LSAMP: variants seen among roughly 807,000 people sequenced by gnomAD.
LSAMP encodes the protein limbic system-associated membrane protein.
Under a neutral mutation model 38.6 loss-of-function variants are expected in LSAMP, and 7 were observed. The observed-to-expected ratio is 0.18, with a 90% CI of 0.10 to 0.34. LSAMP has a LOEUF of 0.34. Ranked by LOEUF, LSAMP falls within the 10% of genes least tolerant of loss-of-function variation. LSAMP has a pLI of 1.00. For synonymous variants in LSAMP, 154 were observed against 166.8 expected, an observed-to-expected ratio of 0.92 and a Z score of 0.59; for missense variants, 313 against 420.0, an observed-to-expected ratio of 0.75 and a Z score of 2.23.
chr3:116,218,474 T>C (rs527664607), intron 1 of LSAMP, among the ~76,000 whole-genome samples: 9 of 152,266 alleles, frequency 5.9e-5, no homozygotes, highest in Non-Finnish European at 1.0e-4. Flanking sequence ...ATTTCCATTT[T>C]CCCCTCCCAC....
chr3:116,025,139 C>T (rs772351964), intron 2 of LSAMP, among the ~76,000 whole-genome samples: 3 of 152,008 alleles, frequency 2.0e-5, no homozygotes, highest in Non-Finnish European at 4.4e-5. Flanking sequence ...CATTGTAGTA[C>T]TCTGTGTAGT....
intron 1 of LSAMP, among the ~76,000 whole-genome samples, chr3:116,218,049 G>A (rs988757451): frequency 5.9e-5 from 9 of 152,022 alleles, no homozygotes; most frequent in Non-Finnish European, 1.2e-4. Flanking sequence ...TGTTGATACC[G>A]AAAAAAATGG....
intron 1 of LSAMP, among the ~76,000 whole-genome samples, chr3:116,441,914 G>C (rs2049441039): frequency 6.6e-6 from 1 of 152,096 alleles, no homozygotes; most frequent in African/African-American, 2.4e-5. Flanking sequence ...GACAGAAGTT[G>C]GTATTGTGGT....
chr3:116,391,001 G>C (rs1267537716), intron 1 of LSAMP, among the ~76,000 whole-genome samples: 1 of 152,126 alleles, frequency 6.6e-6, no homozygotes, highest in Non-Finnish European at 1.5e-5. Context: ...ACAATATAGA[G>C]CTCCTCAAGT....
chr3:116,185,512 A>T (rs1433669106), intron 1 of LSAMP, among the ~76,000 whole-genome samples: 2 of 151,894 alleles, frequency 1.3e-5, no homozygotes, highest in Non-Finnish European at 2.9e-5. Flanking sequence ...GGTTTTCTTT[A>T]TACTATAAGG....
At chr3:116,295,794 T>G (rs2047324150) in intron 1 of LSAMP, among the ~76,000 whole-genome samples, 1 of 145,892 alleles carries the variant, frequency 6.9e-6, no homozygotes, top group South Asian at 2.3e-4. Flanking sequence ...ACTATTTTGT[T>G]ATGTAAATAG....
chr3:116,246,427 A>G (rs1259226513), intron 1 of LSAMP, among the ~76,000 whole-genome samples: 1 of 152,202 alleles, frequency 6.6e-6, no homozygotes, highest in Non-Finnish European at 1.5e-5. Flanking sequence ...AGCAGTCCAC[A>G]ATGCTTAAAT....
intron 1 of LSAMP, among the ~76,000 whole-genome samples, chr3:116,275,744 C>T (rs1256161460): frequency 6.6e-6 from 1 of 152,068 alleles, no homozygotes; most frequent in African/African-American, 2.4e-5. Flanking sequence ...TCTACACTCC[C>T]CTTCTCTCCT....
At chr3:116,152,570 T>C (rs1489294071) in intron 1 of LSAMP, among the ~76,000 whole-genome samples, 1 of 152,150 alleles carries the variant, frequency 6.6e-6, no homozygotes, top group African/African-American at 2.4e-5. Flanking sequence ...ACTTAGGACA[T>C]TTATTGTAAC....
chr3:115,923,102 G>C (rs1223832414), intron 3 of LSAMP, among the ~76,000 whole-genome samples: 1 of 152,148 alleles, frequency 6.6e-6, no homozygotes, highest in Non-Finnish European at 1.5e-5. Flanking sequence ...GACTACAAAA[G>C]CTGTAGCAAG....
intron 1 of LSAMP, among the ~76,000 whole-genome samples, chr3:116,125,573 G>A (rs1300755944): frequency 6.6e-6 from 1 of 151,866 alleles, no homozygotes; most frequent in African/African-American, 2.4e-5. Context: ...CAACTTGACT[G>A]TCCTGAACTC....
intron 2 of LSAMP, among the ~76,000 whole-genome samples, chr3:116,082,616 GC>G (rs1245607113): frequency 6.6e-6 from 1 of 152,108 alleles, no homozygotes; most frequent in Non-Finnish European, 1.5e-5. Context: ...GTTCAGAATA[GC>G]AAAAACATGG....
intron 1 of LSAMP, among the ~76,000 whole-genome samples, chr3:116,184,663 C>T (rs1710568722): frequency 6.6e-6 from 1 of 151,858 alleles, no homozygotes; most frequent in African/African-American, 2.4e-5. Flanking sequence ...GATACGATTG[C>T]TTGCTAACAG....
At chr3:116,058,937 CG>C (rs1395872930) in intron 2 of LSAMP, among the ~76,000 whole-genome samples, 2 of 113,302 alleles carry the variant, frequency 1.8e-5, no homozygotes, top group Admixed American at 8.8e-5. Flanking sequence ...TTTGTTTGTT[CG>C]TTTTTTTTTT....
intron 1 of LSAMP, among the ~76,000 whole-genome samples, chr3:116,195,341 T>C (rs756588253): frequency 2.0e-5 from 3 of 152,232 alleles, no homozygotes; most frequent in Non-Finnish European, 4.4e-5. Context: ...CCTGAGTGTG[T>C]CTTCACCAAT....
At position 115,997,757 on chromosome 3, in the gene LSAMP, C is replaced by A. The variant is rs1479183217; in HGVS notation, c.514+21758G>T. On this transcript the variant is annotated intron_variant, in intron 3 of 6. Transcript: ENST00000490035. ...ATATATATATATATATATATATACA[C>A]ACACATACATACACACACATATATT... 3.8e-5 allele frequency among the ~76,000 whole-genome samples: 5 copies of A among 131,636 alleles called. No individual in the cohort carries two copies. The Admixed American group carries it at 3.9e-4, about 10-fold the overall frequency. 86.4% of individuals were successfully genotyped at this position (131,636 alleles called of 152,430 possible). A position where few individuals can be genotyped will look rare whatever the true frequency, so the allele number is the denominator to read the frequency against.
intron 1 of LSAMP, among the ~76,000 whole-genome samples, chr3:116,326,453 C>T (rs1344794488): frequency 6.6e-6 from 1 of 152,162 alleles, no homozygotes; most frequent in Non-Finnish European, 1.5e-5. Flanking sequence ...CTCTCAACTC[C>T]AGTGCCCTTG....
At chr3:115,915,661 T>A (rs559944981) in intron 3 of LSAMP, among the ~76,000 whole-genome samples, 1 of 151,566 alleles carries the variant, frequency 6.6e-6, no homozygotes, top group South Asian at 2.1e-4. Context: ...TTTGACAGAG[T>A]CTCGCTCTGT....
In LSAMP at chr3:115,964,834, A is replaced by G. The variant is rs1406954094; in HGVS notation, c.514+54681T>C. Among the ~76,000 whole-genome samples the G allele has an allele frequency of 2.0e-5, 3 of 152,146 alleles. No homozygotes were observed. The East Asian group carries it at 5.8e-4, about 29-fold the overall frequency. On this transcript the variant is annotated intron_variant, in intron 3 of 6. Transcript: ENST00000490035. Reference sequence around the variant, plus strand: ...AATGTAGAGATAAATCTAAAAAACTATATGCTGAATCTTTAGGCATAAAAT... The same window carrying G: ...AATGTAGAGATAAATCTAAAAAACTGTATGCTGAATCTTTAGGCATAAAAT...
Sources: gnomAD v4.1 joint callset for allele counts (sites outside exome capture counted in the v4.1 genomes callset) on GRCh38, gnomAD v4.1.1 for gene constraint, MANE v1.5 for transcripts, NCBI Gene and HGNC (gene_info 2026-07-23, HGNC 2026-07-21) for gene names.